ORC4: variants seen among roughly 807,000 people sequenced by gnomAD.
The protein encoded by ORC4 is origin recognition complex, subunit 4 homolog.
ORC4 carries 55 observed loss-of-function variants against 63.9 expected under a neutral mutation model. The observed-to-expected ratio is 0.86, with a 90% CI of 0.69 to 1.08. The LOEUF is 1.08. Ranked by LOEUF, ORC4 falls within the 50% of genes least tolerant of loss-of-function variation. The pLI is 0.00. For synonymous variants in ORC4, 150 were observed against 168.5 expected, an observed-to-expected ratio of 0.89 and a Z score of 0.85; for missense variants, 511 against 504.4, an observed-to-expected ratio of 1.01 and a Z score of -0.13.
intron 1 of ORC4, among the ~76,000 whole-genome samples, chr2:147,995,412 T>C (rs1010497582): frequency 6.6e-6 from 1 of 152,112 alleles, no homozygotes; most frequent in African/African-American, 2.4e-5. Context: ...ATCAGCAGGA[T>C]GTGCGTGGGG....
chr2:147,958,391 A>C lies in ORC4; in HGVS notation c.302-8T>G, dbSNP rs1371310179. ...CATTGATCTGCAGCAGTCCTAAAAT[A>C]AAGTCCATTTAAAAGTATTTAATTA... is the stretch of plus-strand genomic sequence containing the variant. On this transcript the variant is annotated splice_region_variant and splice_polypyrimidine_tract_variant and intron_variant, in intron 5 of 13. Coordinates refer to ENST00000392857, the MANE Select transcript of ORC4 (RefSeq NM_181741.4). The C allele has an allele frequency of 6.3e-7, 1 of 1,599,336 alleles. No individual in the cohort carries two copies. The highest frequency in any genetic ancestry group is 1.7e-4 in the Middle Eastern group (1 of 6,020).
In ORC4 at chr2:147,988,445, C is replaced by T. The variant is rs201628530; in HGVS notation, c.-17-12470G>A. ...TGCAATCTTGGCTCACTGCAACCTC[C>T]GCCTCCTGGGTTCAAGCTATTCTCC... On this transcript the variant is annotated intron_variant, in intron 1 of 13. Coordinates refer to ENST00000392857, the MANE Select transcript of ORC4 (RefSeq NM_181741.4). Among the ~76,000 whole-genome samples, 15 of 151,862 alleles carry T rather than the reference C, an allele frequency of 9.9e-5. No individual in the cohort carries two copies. The East Asian group carries it at 2.5e-3, about 26-fold the overall frequency.
intron 1 of ORC4, among the ~76,000 whole-genome samples, chr2:147,984,552 C>G (rs985795484): frequency 6.6e-6 from 1 of 152,120 alleles, no homozygotes; most frequent in Non-Finnish European, 1.5e-5. Context: ...CGACCCCTAA[C>G]CCTTACATTG....
At chr2:147,952,666 T>C (rs1689025617) in intron 7 of ORC4, 142 bp from the exon 8 acceptor site, 1 of 671,932 alleles carries the variant, frequency 1.5e-6, no homozygotes, top group African/African-American at 1.8e-5. Flanking sequence ...GATTTACTGA[T>C]GCATATACGT....
intron 10 of ORC4, among the ~76,000 whole-genome samples, chr2:147,940,170 T>A (rs1004688468): frequency 2.6e-5 from 4 of 152,138 alleles, no homozygotes; most frequent in Non-Finnish European, 4.4e-5. Context: ...ATTAATTTTT[T>A]AATTTTTATT....
At chr2:148,005,160 T>C (rs976285342) in intron 1 of ORC4, among the ~76,000 whole-genome samples, 2 of 152,228 alleles carry the variant, frequency 1.3e-5, no homozygotes, top group African/African-American at 4.8e-5. Flanking sequence ...CCAATCCAAA[T>C]GTCCTTCAAT....
Position 147,939,203 on chromosome 2 carries a change from C to T in ORC4, c.895G>A (p.Ala299Thr), listed in dbSNP as rs1391174691. ...TGGCTTGCTTCCATTAGATCTACGG[C>T]AGTCATAAATGGGTGCGATGCTGTT... ...RVTASHPFMT[A>T]VDLMEASQLC... The change falls in exon 11 of 14, where the codon GCC becomes ACC. Residue 299 changes from alanine to threonine, a missense_variant. Physicochemically the swap from Ala to Thr is moderately conservative, Grantham distance 58. Coordinates refer to ENST00000392857, the MANE Select transcript of ORC4 (RefSeq NM_181741.4). The T allele has an allele frequency of 6.2e-7, 1 of 1,613,114 alleles. No homozygotes were observed. The highest frequency in any genetic ancestry group is 2.2e-5 in the East Asian group (1 of 44,830).
intron 1 of ORC4, among the ~76,000 whole-genome samples, chr2:148,011,019 G>C (rs145975583): frequency 6.6e-6 from 1 of 151,712 alleles, no homozygotes; most frequent in Non-Finnish European, 1.5e-5. Context: ...TGTAGAGATG[G>C]GGTTTCACCA....
intron 1 of ORC4, among the ~76,000 whole-genome samples, chr2:148,002,404 C>G (rs1355478418): frequency 6.6e-6 from 1 of 152,120 alleles, no homozygotes; most frequent in Non-Finnish European, 1.5e-5. Context: ...GAAGTCATAA[C>G]AAACAGTCTC....
intron 5 of ORC4, 90 bp from the exon 6 acceptor site, chr2:147,958,473 G>C (rs1689391522): frequency 1.1e-6 from 1 of 896,874 alleles, no homozygotes; most frequent in African/African-American, 1.7e-5. Flanking sequence ...AATCTTCCCA[G>C]TCAAAGCCTG....
intron 9 of ORC4, among the ~76,000 whole-genome samples, chr2:147,946,690 T>A (rs1057197745): frequency 6.6e-6 from 1 of 152,066 alleles, no homozygotes; most frequent in African/African-American, 2.4e-5. Context: ...ATGTCAGCTA[T>A]TTTTACATAC....
At chr2:147,952,556 G>C in intron 7 of ORC4, 32 bp from the exon 8 acceptor site, 1 of 1,518,988 alleles carries the variant, frequency 6.6e-7, no homozygotes, top group Non-Finnish European at 9.1e-7. Flanking sequence ...ACATTAATAA[G>C]AAATTATATC....
rs1690347487 is a variant in ORC4, at chr2:147,973,511, A to G, written c.71T>C (p.Leu24Ser). 6.3e-7 allele frequency: 1 copy of G among 1,592,988 alleles called. No homozygotes were observed. The highest frequency in any genetic ancestry group is 2.2e-5 in the East Asian group (1 of 44,642). Residue 24 changes from leucine to serine, a missense_variant, in exon 3 of 14, where the codon TTA becomes TCA. Transcript: ENST00000392857. ...TECLSQVQRI[L>S]RERFCRQSPH... Reference sequence around the variant, plus strand: ...ACTCTGACGACAAAATCTTTCACGTAAAATTCTTTGTACCTGATGAAAATA... The same window carrying G: ...ACTCTGACGACAAAATCTTTCACGTGAAATTCTTTGTACCTGATGAAAATA...
chr2:147,964,342 C>T (rs2105329477), intron 4 of ORC4, among the ~76,000 whole-genome samples: 1 of 152,140 alleles, frequency 6.6e-6, no homozygotes, highest in Non-Finnish European at 1.5e-5. Context: ...CAATAACAGA[C>T]TACATCAAGC....
chr2:147,968,537 C>T (rs1485704854), intron 4 of ORC4, among the ~76,000 whole-genome samples: 1 of 152,008 alleles, frequency 6.6e-6, no homozygotes. Context: ...TGAAGAAATG[C>T]TTAACATCAT....
At chr2:147,950,072 A>G (rs1442954747) in intron 8 of ORC4, among the ~76,000 whole-genome samples, 1 of 152,132 alleles carries the variant, frequency 6.6e-6, no homozygotes, top group Non-Finnish European at 1.5e-5. Flanking sequence ...TGAATAAAAA[A>G]TTTTGAATGT....
At chr2:148,005,446 T>C (rs1692566660) in intron 1 of ORC4, among the ~76,000 whole-genome samples, 1 of 152,038 alleles carries the variant, frequency 6.6e-6, no homozygotes, top group East Asian at 1.9e-4. Context: ...GAAAAATACC[T>C]AATGTAGATG....
At chr2:147,990,516 T>C (rs1691517252) in intron 1 of ORC4, among the ~76,000 whole-genome samples, 1 of 152,242 alleles carries the variant, frequency 6.6e-6, no homozygotes, top group African/African-American at 2.4e-5. Context: ...AAGTAAACTC[T>C]GTTAGTTCTT....
At chr2:147,946,534 C>T (rs1688666670) in intron 9 of ORC4, among the ~76,000 whole-genome samples, 1 of 152,010 alleles carries the variant, frequency 6.6e-6, no homozygotes, top group South Asian at 2.1e-4. Flanking sequence ...AAAGAAGGTG[C>T]TCCTATAGAT....
Sources: allele counts gnomAD v4.1 joint callset (sites outside exome capture counted in the v4.1 genomes callset), GRCh38; gene constraint gnomAD v4.1.1; transcripts MANE v1.5; gene names NCBI Gene and HGNC (gene_info 2026-07-23, HGNC 2026-07-21).